Variants in USH2A observed in about 807,000 individuals in gnomAD.
USH2A encodes usherin, also known as Usher syndrome 2A (autosomal recessive, mild).
USH2A carries 443 observed loss-of-function variants against 538.9 expected under a neutral mutation model. That is an observed-to-expected ratio of 0.82 (90% CI 0.76 to 0.89). The LOEUF (loss-of-function observed/expected upper bound fraction) is 0.89. Ranked by LOEUF, USH2A falls within the 40% of genes least tolerant of loss-of-function variation. The pLI is 0.00. For synonymous variants in USH2A, 2,413 were observed against 2,273.5 expected (o/e 1.06, Z -1.75); for missense variants, 6,633 against 6,324.8 (o/e 1.05, Z -1.65).
intron 21 of USH2A, among the ~76,000 whole-genome samples, chr1:216,140,585 G>C (rs2033583704): frequency 6.6e-6 from 1 of 152,088 alleles, no homozygotes; most frequent in African/African-American, 2.4e-5. Flanking sequence ...TTTGAGTTCT[G>C]AGATATTCTC....
chr1:216,013,501 G>T (rs1379974928), intron 32 of USH2A, among the ~76,000 whole-genome samples: 1 of 152,006 alleles, frequency 6.6e-6, no homozygotes, highest in Non-Finnish European at 1.5e-5. Flanking sequence ...TATCCCCTGT[G>T]ACCTGCACGT....
rs199953845 is a variant in USH2A, at chr1:215,817,199, C to A, written c.9372-4G>T. 174 of 1,611,274 alleles carry A rather than the reference C, an allele frequency of 1.1e-4. 2 individuals are homozygous for A. In the South Asian group the frequency reaches 1.7e-3, roughly 16 times the overall value. The stretch of plus-strand genomic sequence containing the variant: ...CACCCAATCAATTTGAAGAGATCTG[C>A]AACAGAGAGAATAATCAATACTTCT... On this transcript the variant is annotated splice_polypyrimidine_tract_variant and splice_region_variant and intron_variant, in intron 47 of 71. Coordinates refer to ENST00000307340, the MANE Select transcript of USH2A (RefSeq NM_206933.4).
chr1:216,207,474 T>C, intron 15 of USH2A, 43 bp from the exon 16 acceptor site: 1 of 1,613,088 alleles, frequency 6.2e-7, no homozygotes, highest in African/African-American at 1.3e-5. Flanking sequence ...AAGCAATCAA[T>C]AAACAGAAAA....
chr1:215,980,298 G>T (rs902525653), intron 35 of USH2A, among the ~76,000 whole-genome samples: 10 of 152,136 alleles, frequency 6.6e-5, no homozygotes, highest in African/African-American at 2.4e-4. Context: ...TTTTAGAGAG[G>T]TTTGGTAACT....
At chr1:216,141,032 T>C (rs2102611074) in intron 21 of USH2A, among the ~76,000 whole-genome samples, 1 of 152,344 alleles carries the variant, frequency 6.6e-6, no homozygotes, top group Admixed American at 6.5e-5. Context: ...TTAAACTTTG[T>C]GACTAACTGG....
At chr1:215,860,214 T>C (rs1321137524) in intron 44 of USH2A, among the ~76,000 whole-genome samples, 1 of 152,204 alleles carries the variant, frequency 6.6e-6, no homozygotes, top group Non-Finnish European at 1.5e-5. Flanking sequence ...CTTTTCCTTA[T>C]TGACTTCCCA....
chr1:215,721,621 G>T (rs1659661718), intron 61 of USH2A, among the ~76,000 whole-genome samples: 1 of 151,942 alleles, frequency 6.6e-6, no homozygotes. Flanking sequence ...TTGAGCAAAA[G>T]GTAGATTCTT....
intron 13 of USH2A, among the ~76,000 whole-genome samples, chr1:216,236,305 A>G (rs2102528989): frequency 6.6e-6 from 1 of 151,958 alleles, no homozygotes; most frequent in East Asian, 1.9e-4. Flanking sequence ...AGTTCCTAAG[A>G]CCCCTCATCC....
At chr1:215,702,357 T>C (rs190256318) in intron 61 of USH2A, among the ~76,000 whole-genome samples, 108 of 152,300 alleles carry the variant, frequency 7.1e-4, no homozygotes, top group Admixed American at 1.3e-3. Flanking sequence ...TGACTTTGAA[T>C]GTTGGCCTGT....
At chr1:215,906,414 C>T (rs1000956221) in intron 38 of USH2A, among the ~76,000 whole-genome samples, 5 of 151,902 alleles carry the variant, frequency 3.3e-5, no homozygotes, top group Non-Finnish European at 7.4e-5. Context: ...CATTTCAAAT[C>T]GCAGAACTGA....
chr1:216,172,899 T>C (rs1420692241), intron 21 of USH2A, among the ~76,000 whole-genome samples: 2 of 152,184 alleles, frequency 1.3e-5, no homozygotes, highest in African/African-American at 4.8e-5. Flanking sequence ...AAGAACAGTC[T>C]ACAAAAGTTC....
intron 56 of USH2A, among the ~76,000 whole-genome samples, chr1:215,763,881 A>C (rs1043521663): frequency 2.0e-5 from 3 of 152,152 alleles, no homozygotes; most frequent in Non-Finnish European, 4.4e-5. Context: ...AAAATTCTTA[A>C]GATTTAAAAC....
At chr1:215,840,438 T>G (rs1280884282) in intron 46 of USH2A, among the ~76,000 whole-genome samples, 1 of 152,110 alleles carries the variant, frequency 6.6e-6, no homozygotes, top group Non-Finnish European at 1.5e-5. Flanking sequence ...AAAAATATAG[T>G]AATCAGTAAT....
At chr1:215,849,756 C>T (rs902618908) in intron 44 of USH2A, among the ~76,000 whole-genome samples, 1 of 152,116 alleles carries the variant, frequency 6.6e-6, no homozygotes, top group Non-Finnish European at 1.5e-5. Context: ...AGATAAGCTT[C>T]AAACTTCTTA....
chr1:216,155,789 T>C (rs561943072), intron 21 of USH2A, among the ~76,000 whole-genome samples: 46 of 152,294 alleles, frequency 3.0e-4, no homozygotes, highest in African/African-American at 1.0e-3. Context: ...AAGAATGCAA[T>C]AGATCCATGC....
chr1:215,812,724 C>T (rs1298514589), intron 49 of USH2A, among the ~76,000 whole-genome samples: 1 of 152,116 alleles, frequency 6.6e-6, no homozygotes, highest in Non-Finnish European at 1.5e-5. Context: ...AGTTTGTATT[C>T]TCAATTACTT....
intron 32 of USH2A, among the ~76,000 whole-genome samples, chr1:216,015,893 C>T (rs868338751): frequency 2.0e-5 from 3 of 152,098 alleles, no homozygotes; most frequent in Non-Finnish European, 4.4e-5. Flanking sequence ...CACATGCATA[C>T]GTATGTTTAT....
At chr1:216,051,759 C>T (rs1299799501) in intron 30 of USH2A, among the ~76,000 whole-genome samples, 1 of 152,140 alleles carries the variant, frequency 6.6e-6, no homozygotes, top group African/African-American at 2.4e-5. Context: ...TGGTTATCTG[C>T]AATCATTAGC....
At chr1:216,036,925 A>G (rs934242801) in intron 32 of USH2A, among the ~76,000 whole-genome samples, 9 of 152,180 alleles carry the variant, frequency 5.9e-5, no homozygotes, top group Non-Finnish European at 1.0e-4. Context: ...GGGAACTACA[A>G]AAATTTCATG....
Sources: gnomAD v4.1 joint callset for allele counts (sites outside exome capture counted in the v4.1 genomes callset) on GRCh38, gnomAD v4.1.1 for gene constraint, MANE v1.5 for transcripts, NCBI Gene and HGNC (gene_info 2026-07-23, HGNC 2026-07-21) for gene names.